FAM193B: variants seen among roughly 807,000 people sequenced by gnomAD.
FAM193B encodes the protein family with sequence similarity 193 member B, also known as protein FAM193B.
In FAM193B, 27 loss-of-function variants were observed where a neutral mutation model predicts 70.7. The ratio of observed to expected loss-of-function variants is 0.38; its 90% CI spans 0.28 to 0.53. The LOEUF is 0.53. Among genes scored for constraint, FAM193B ranks in the 20% least tolerant of loss-of-function variants. FAM193B has a pLI of 0.81. For missense variants in FAM193B, 1,022 were observed against 1,072.5 expected (o/e 0.95, Z 0.66); for synonymous variants, 448 against 436.0 (o/e 1.03, Z -0.34).
At chr5:177,527,852 G>A (rs1178255044) in intron 5 of FAM193B, among the ~76,000 whole-genome samples, 1 of 152,224 alleles carries the variant, frequency 6.6e-6, no homozygotes, top group African/African-American at 2.4e-5. Flanking sequence ...ACAGAGAAGG[G>A]AAAGCAGGCC....
intron 1 of FAM193B, among the ~76,000 whole-genome samples, chr5:177,552,502 G>C (rs957837521): frequency 2.6e-5 from 4 of 152,238 alleles, no homozygotes; most frequent in African/African-American, 9.6e-5. Context: ...CATCATCCAA[G>C]CTTTTTGGCA....
intron 8 of FAM193B, among the ~76,000 whole-genome samples, chr5:177,520,419 T>C (rs138911920): frequency 6.6e-6 from 1 of 152,252 alleles, no homozygotes; most frequent in East Asian, 1.9e-4. Context: ...AATCCTTGAG[T>C]AGATCCAGCC....
chr5:177,546,359 T>C (rs1467181534), intron 1 of FAM193B, among the ~76,000 whole-genome samples: 1 of 152,244 alleles, frequency 6.6e-6, no homozygotes, highest in Non-Finnish European at 1.5e-5. Flanking sequence ...CTGGGGGCAG[T>C]GTGTGGACCT....
intron 1 of FAM193B, among the ~76,000 whole-genome samples, chr5:177,547,007 G>A (rs539401927): frequency 3.9e-5 from 6 of 152,274 alleles, no homozygotes; most frequent in Admixed American, 1.3e-4. Flanking sequence ...TTTTGGGGAC[G>A]AGACACACAG....
At position 177,532,330 on chromosome 5, in the gene FAM193B, C is replaced by T; in HGVS notation, c.1275+113G>A. ...AGACGCAGGTGCAAGGACTCACGGC[C>T]CCAGCACGGTAATTACCACCGTGAG... On this transcript the variant is annotated intron_variant, in intron 5 of 8. Coordinates refer to ENST00000514747, the MANE Select transcript of FAM193B (RefSeq NM_001190946.3). The surrounding 1 kb of genome is among the most constrained non-coding windows in gnomAD (Gnocchi z 4.9). The T allele has an allele frequency of 6.7e-7, 1 of 1,496,222 alleles. No homozygotes were observed. The highest frequency in any genetic ancestry group is 1.3e-5 in the South Asian group (1 of 78,784). 92.7% of individuals were successfully genotyped at this position (1,496,222 alleles called of 1,614,324 possible).
chr5:177,551,932 C>A, intron 1 of FAM193B: 1 of 701,088 alleles, frequency 1.4e-6, no homozygotes, highest in Non-Finnish European at 1.8e-6. Context: ...CTTCCAGACC[C>A]CACCCCCGGT....
intron 3 of FAM193B, among the ~76,000 whole-genome samples, chr5:177,537,393 A>C (rs1764297845): frequency 6.6e-6 from 1 of 152,266 alleles, no homozygotes; most frequent in Non-Finnish European, 1.5e-5. Flanking sequence ...GGGTCAAAGA[A>C]GACTTACACA....
Position 177,524,952 on chromosome 5 carries a change from G to C in FAM193B, c.1529C>G (p.Pro510Arg). The C allele has an allele frequency of 6.6e-7, 1 of 1,507,718 alleles. No individual in the cohort carries two copies. The highest frequency in any genetic ancestry group is 2.3e-5 in the Admixed American group (1 of 42,614). The allele number at this position is 1,507,718 out of a possible 1,614,324, so 93.4% of individuals were successfully genotyped here. Residue 510 changes from proline to arginine, a missense_variant, in exon 6 of 9, where the codon CCT (proline) becomes CGT (arginine). Coordinates refer to ENST00000514747, the MANE Select transcript of FAM193B (RefSeq NM_001190946.3). ...TGAGGGGGGTAGACTCTGAGGCTCA[G>C]GCTCAGCAGCCCCCTCCTTAGAGAA... ...NGFSKEGAAE[P>R]EPQSLPPSNL...
chr5:177,523,797 G>C (rs1368523871), intron 7 of FAM193B, among the ~76,000 whole-genome samples, 160 bp downstream of exon 7: 1 of 152,270 alleles, frequency 6.6e-6, no homozygotes, highest in African/African-American at 2.4e-5. Context: ...GTTTTCAGCA[G>C]GCAGGCTGGT....
intron 1 of FAM193B, among the ~76,000 whole-genome samples, chr5:177,544,581 A>G (rs1222860927): frequency 6.6e-6 from 1 of 152,242 alleles, no homozygotes; most frequent in Non-Finnish European, 1.5e-5. Context: ...AGTGAAAATT[A>G]AAATTCTGAA....
At chr5:177,547,086 C>A (rs1765521372) in intron 1 of FAM193B, 1 of 152,186 alleles carries the variant, frequency 6.6e-6, no homozygotes, top group Non-Finnish European at 1.5e-5. Context: ...CTTTGAGCCT[C>A]AATTTCCTCA....
intron 1 of FAM193B, among the ~76,000 whole-genome samples, chr5:177,540,306 C>CAA (rs71585639): frequency 7.8e-5 from 8 of 102,420 alleles, no homozygotes; most frequent in Admixed American, 1.0e-4. Flanking sequence ...GACTCCGTCT[C>CAA]AAAAAAAAAA....
intron 1 of FAM193B, among the ~76,000 whole-genome samples, chr5:177,552,407 G>C (rs565844522): frequency 6.6e-6 from 1 of 152,334 alleles, no homozygotes; most frequent in South Asian, 2.1e-4. Context: ...GTAAGAACAT[G>C]GTAGGAACCT....
At chr5:177,548,103 CTCTTT>C (rs777661851) in intron 1 of FAM193B, among the ~76,000 whole-genome samples, 4 of 152,036 alleles carry the variant, frequency 2.6e-5, no homozygotes, top group African/African-American at 4.8e-5. Context: ...CCTTTTTCTT[CTCTTT>C]TTTTTAGGCT....
At position 177,554,530 on chromosome 5, in the gene FAM193B, GCT is replaced by G. The variant is rs1766823893; in HGVS notation, c.-74_-73del. On this transcript the variant is annotated 5_prime_UTR_variant, in exon 1 of 9. Coordinates refer to ENST00000514747, the MANE Select transcript of FAM193B (RefSeq NM_001190946.3). ...CGCCGCCGCCGCCGCCGCCGCCGCC[GCT>G]ACCGCTCCCCTCACAGGACAACAGC... is the stretch of plus-strand genomic sequence containing the variant. 1 of 891,698 alleles carries G rather than the reference GCT, an allele frequency of 1.1e-6. No individual in the cohort carries two copies. 55.2% of individuals were successfully genotyped at this position (891,698 alleles called of 1,614,324 possible).
At chr5:177,553,708 T>C (rs994572100) in intron 1 of FAM193B, 2 of 1,287,776 alleles carry the variant, frequency 1.6e-6, no homozygotes, top group Non-Finnish European at 2.0e-6. Flanking sequence ...CAAAAACTCC[T>C]CCGGGCAGCC....
Position 177,532,682 on chromosome 5 carries a change from T to C in FAM193B, c.1077-41A>G. The C allele has an allele frequency of 6.8e-7, 1 of 1,462,524 alleles. No homozygotes were observed. Among genetic ancestry groups the C allele is most frequent in the South Asian group, 1.5e-5 (1 of 68,668 alleles). The allele number at this position is 1,462,524 out of a possible 1,614,324, so 90.6% of individuals were successfully genotyped here. A position where few individuals can be genotyped will look rare whatever the true frequency, so the allele number is the denominator to read the frequency against. ...AAGGCCCAGAGGTGAGGCAGGGTGA[T>C]GCAGAAACCCAGGAAGCATCCCAAC... On this transcript the variant is annotated intron_variant, in intron 4 of 8. Coordinates refer to ENST00000514747, the MANE Select transcript of FAM193B (RefSeq NM_001190946.3). This position sits in a 1 kb window ranked among gnomAD's most constrained non-coding sequence, Gnocchi z 4.9.
intron 8 of FAM193B, among the ~76,000 whole-genome samples, chr5:177,520,751 C>T (rs1037862888): frequency 1.3e-5 from 2 of 152,180 alleles, no homozygotes; most frequent in Non-Finnish European, 1.5e-5. Context: ...TCCTGGTTCC[C>T]ATGGAGGTGG....
At chr5:177,535,519 G>C (rs993269855) in intron 4 of FAM193B, among the ~76,000 whole-genome samples, 1 of 152,158 alleles carries the variant, frequency 6.6e-6, no homozygotes, top group African/African-American at 2.4e-5. Context: ...TTACTTCTAG[G>C]AATCTCCCTG....
Sources: allele counts gnomAD v4.1 joint callset (sites outside exome capture counted in the v4.1 genomes callset), GRCh38; gene constraint gnomAD v4.1.1; non-coding constraint Gnocchi (gnomAD v3.1); transcripts MANE v1.5; gene names NCBI Gene and HGNC (gene_info 2026-07-23, HGNC 2026-07-21).